The following COL28A1 variants were observed in gnomAD, a reference collection of about 807,000 sequenced individuals.
COL28A1 encodes collagen alpha-1(XXVIII) chain.
In COL28A1, 161 loss-of-function variants were observed where a neutral mutation model predicts 150.2. The observed-to-expected ratio is 1.07, with a 90% CI of 0.94 to 1.22. The LOEUF is 1.22. Ranked by LOEUF, COL28A1 falls within the 50% of genes most tolerant of loss-of-function variation. The probability of loss-of-function intolerance (pLI) is 0.00; values close to 1 mark genes in which losing one functional copy is unlikely to be tolerated. For missense variants in COL28A1, 1,617 were observed against 1,388.3 expected (o/e 1.16, Z -2.62); for synonymous variants, 552 against 469.7 (o/e 1.18, Z -2.26).
At chr7:7,487,568 A>C (rs1459443833) in intron 13 of COL28A1, among the ~76,000 whole-genome samples, 1 of 152,010 alleles carries the variant, frequency 6.6e-6, no homozygotes, top group Non-Finnish European at 1.5e-5. Flanking sequence ...ACAGAGCAAG[A>C]CTCTCTTAAA....
Position 7,436,415 on chromosome 7 carries a change from G to A in COL28A1, c.1840C>T (p.Leu614Phe). ...GIPGFKGEPGLSIRGPKGVQG... is the reference protein window; with the variant it reads ...GIPGFKGEPGFSIRGPKGVQG... ...CATACCTTTGGTCCTCGAATAGAAAGTCCAGGTTCTCCCTTAAATCCAGGT... is the reference window on the plus strand; with the variant it reads ...CATACCTTTGGTCCTCGAATAGAAAATCCAGGTTCTCCCTTAAATCCAGGT... Residue 614 changes from leucine to phenylalanine, a missense_variant, in exon 23 of 35, where the codon CTT (leucine) becomes TTT (phenylalanine). By Grantham distance (22) the Leu-to-Phe change is conservative. Transcript: ENST00000399429. The A allele has an allele frequency of 1.4e-6, 2 of 1,426,032 alleles. No individual in the cohort carries two copies. The highest frequency in any genetic ancestry group is 2.3e-5 in the South Asian group (2 of 87,284). The allele number at this position is 1,426,032 out of a possible 1,614,324, so 88.3% of individuals were successfully genotyped here.
At chr7:7,439,352 G>A (rs761433329) in intron 21 of COL28A1, among the ~76,000 whole-genome samples, 22 of 151,816 alleles carry the variant, frequency 1.4e-4, no homozygotes, top group Non-Finnish European at 1.3e-4. Context: ...GACAAGAATC[G>A]GGAAACACAA....
chr7:7,540,669 A>G (rs912757597), upstream of COL28A1, among the ~76,000 whole-genome samples: 8 of 152,220 alleles, frequency 5.3e-5, no homozygotes, highest in Non-Finnish European at 1.0e-4. Context: ...AGGAAGCTGT[A>G]TGGCTAATAA....
chr7:7,365,116 C>T (rs1364807657), intron 33 of COL28A1, among the ~76,000 whole-genome samples: 2 of 134,598 alleles, frequency 1.5e-5, no homozygotes, highest in Admixed American at 7.9e-5. Flanking sequence ...ATAGTGATTG[C>T]CTCTGGAGAG....
chr7:7,401,566 C>T (rs373870668), intron 27 of COL28A1, among the ~76,000 whole-genome samples: 25 of 152,066 alleles, frequency 1.6e-4, no homozygotes, highest in African/African-American at 5.1e-4. Flanking sequence ...TCCAGTCATT[C>T]AGGTCAAAAA....
chr7:7,351,702 C>T (rs1178197056), downstream of COL28A1, among the ~76,000 whole-genome samples: 1 of 151,904 alleles, frequency 6.6e-6, no homozygotes, highest in Non-Finnish European at 1.5e-5. Flanking sequence ...TACATATAGA[C>T]ATTAAATCAG....
In COL28A1 at chr7:7,381,657, T is replaced by C. The variant is rs777589199; in HGVS notation, c.2137-45A>G. 7 of 1,467,982 alleles carry C rather than the reference T, an allele frequency of 4.8e-6. No homozygotes were observed. The African/African-American group carries it at 8.4e-5, about 18-fold the overall frequency. The allele number at this position is 1,467,982 out of a possible 1,614,324, so 90.9% of individuals were successfully genotyped here. A position where few individuals can be genotyped will look rare whatever the true frequency, so the allele number is the denominator to read the frequency against. On this transcript the variant is annotated intron_variant, in intron 27 of 34. Transcript: ENST00000399429. ...GAGATGTTCTATTAATTTCCCAGGA[T>C]AGCTTGGCTATTCTTTGGGTCAGAA...
At chr7:7,440,336 T>C (rs1194308452) in intron 21 of COL28A1, among the ~76,000 whole-genome samples, 2 of 152,232 alleles carry the variant, frequency 1.3e-5, no homozygotes, top group Non-Finnish European at 2.9e-5. Flanking sequence ...CATATCGTTA[T>C]CTTCTTTCTA....
At chr7:7,429,442 T>A (rs951510346) in intron 25 of COL28A1, among the ~76,000 whole-genome samples, 7 of 101,680 alleles carry the variant, frequency 6.9e-5, no homozygotes, top group African/African-American at 3.8e-4. Flanking sequence ...ACACACACAC[T>A]CTCTTTCTCT....
In COL28A1 at chr7:7,511,126, C is replaced by G. The variant is rs1433744010; in HGVS notation, c.892G>C (p.Gly298Arg). The G allele has an allele frequency of 6.2e-7, 1 of 1,611,956 alleles. No homozygotes were observed. Among genetic ancestry groups the G allele is most frequent in the South Asian group, 1.1e-5 (1 of 90,968 alleles). Residue 298 changes from glycine (G) to arginine (R), a missense_variant, in exon 9 of 35, where the codon GGG becomes CGG. Physicochemically the swap from Gly to Arg is moderately radical, Grantham distance 125. Coordinates refer to ENST00000399429, the MANE Select transcript of COL28A1 (RefSeq NM_001037763.3). ...PGYKGDKGER[G>R]ECGKPGIKGD... The stretch of plus-strand genomic sequence containing the variant: ...TTTATCCCTGGTTTACCACATTCCC[C>G]ACGTTCACCCTAAAAAATAAATAAG...
chr7:7,381,148 C>T (rs546162669), intron 28 of COL28A1, among the ~76,000 whole-genome samples: 53 of 152,160 alleles, frequency 3.5e-4, no homozygotes, highest in Middle Eastern at 3.4e-3. Flanking sequence ...CACAATTTAC[C>T]GGGTACCTGA....
At chr7:7,400,523 T>C (rs553555402) in intron 27 of COL28A1, among the ~76,000 whole-genome samples, 8 of 152,288 alleles carry the variant, frequency 5.3e-5, no homozygotes, top group African/African-American at 1.9e-4. Flanking sequence ...TTCAGAATGT[T>C]GTAGAACGCA....
chr7:7,387,521 T>A (rs1466789780), intron 27 of COL28A1, among the ~76,000 whole-genome samples: 1 of 152,110 alleles, frequency 6.6e-6, no homozygotes, highest in Non-Finnish European at 1.5e-5. Context: ...AAAATACTGA[T>A]GTATTAGGAG....
In COL28A1 at chr7:7,364,593, T is replaced by C. The variant is rs113404943; in HGVS notation, c.3067-4065A>G. Among the ~76,000 whole-genome samples, 210 of 152,318 alleles carry C rather than the reference T, an allele frequency of 1.4e-3. 1 individual carries two copies. The highest frequency in any genetic ancestry group is 4.0e-3 in the African/African-American group (167 of 41,564). On this transcript the variant is annotated intron_variant, in intron 33 of 34. Transcript: ENST00000399429. ...TCTAACCACCCCTTTGAGCTACTCA[T>C]CTCCATGCTCCTATGTGTATATGCT...
At chr7:7,476,610 A>T (rs1472563941) in intron 14 of COL28A1, among the ~76,000 whole-genome samples, 1 of 152,234 alleles carries the variant, frequency 6.6e-6, no homozygotes, top group African/African-American at 2.4e-5. Context: ...TTGAGCTCCA[A>T]GAATTACATA....
chr7:7,406,219 C>T (rs964196054), intron 27 of COL28A1, among the ~76,000 whole-genome samples: 3 of 152,138 alleles, frequency 2.0e-5, no homozygotes, highest in South Asian at 2.1e-4. Flanking sequence ...GTTTAGGGTT[C>T]TCTTTAATAA....
chr7:7,480,671 C>G (rs1250040191), intron 13 of COL28A1, among the ~76,000 whole-genome samples: 1 of 152,054 alleles, frequency 6.6e-6, no homozygotes, highest in Non-Finnish European at 1.5e-5. Context: ...GTTCACTCAA[C>G]TTTTTTCATT....
intron 1 of COL28A1, among the ~76,000 whole-genome samples, chr7:7,534,375 C>G (rs991735879): frequency 6.6e-6 from 1 of 151,912 alleles, no homozygotes; most frequent in African/African-American, 2.4e-5. Context: ...CCTTTGCTAA[C>G]CAAGGAAAAA....
intron 21 of COL28A1, among the ~76,000 whole-genome samples, chr7:7,437,990 T>G (rs1026294798): frequency 2.6e-5 from 4 of 152,092 alleles, no homozygotes; most frequent in African/African-American, 7.2e-5. Flanking sequence ...ATCCCAGCCT[T>G]TGGGAGGCCG....
Sources: allele counts gnomAD v4.1 joint callset (sites outside exome capture counted in the v4.1 genomes callset), GRCh38; gene constraint gnomAD v4.1.1; transcripts MANE v1.5; gene names NCBI Gene and HGNC (gene_info 2026-07-23, HGNC 2026-07-21).